The following RAD54L2 variants were observed in gnomAD, a reference collection of about 807,000 sequenced individuals.
RAD54L2 encodes the protein helicase ARIP4.
In RAD54L2, 27 loss-of-function variants were observed where a neutral mutation model predicts 138.4. That is an observed-to-expected ratio of 0.20 (90% CI 0.14 to 0.27). The LOEUF is 0.27. Ranked by LOEUF, RAD54L2 falls within the 10% of genes least tolerant of loss-of-function variation. The pLI is 1.00. For synonymous variants in RAD54L2, 644 were observed against 723.2 expected, an observed-to-expected ratio of 0.89 and a Z score of 1.76; for missense variants, 1,396 against 1,890.2, an observed-to-expected ratio of 0.74 and a Z score of 4.85.
At chr3:51,547,451 T>C (rs577859483) in intron 2 of RAD54L2, among the ~76,000 whole-genome samples, 2 of 151,956 alleles carry the variant, frequency 1.3e-5, no homozygotes, top group South Asian at 4.1e-4. Context: ...TGGAGGCACA[T>C]TGGAGGTACT....
intron 2 of RAD54L2, among the ~76,000 whole-genome samples, chr3:51,586,816 A>C (rs553110771): frequency 6.6e-6 from 1 of 152,048 alleles, no homozygotes; most frequent in Non-Finnish European, 1.5e-5. Flanking sequence ...TGATCTGCTC[A>C]CTTCAGCCTC....
chr3:51,545,500 A>G (rs1698667969), intron 2 of RAD54L2, among the ~76,000 whole-genome samples: 1 of 152,028 alleles, frequency 6.6e-6, no homozygotes, highest in South Asian at 2.1e-4. Flanking sequence ...ACCCTCCTGG[A>G]TCTTGGTAGT....
chr3:51,619,590 C>CT (rs888028710), intron 3 of RAD54L2, among the ~76,000 whole-genome samples: 15 of 152,062 alleles, frequency 9.9e-5, no homozygotes, highest in African/African-American at 3.6e-4. Flanking sequence ...TCCTCATGGC[C>CT]TTTCCAGTTT....
At chr3:51,558,757 C>T (rs1203278198) in intron 2 of RAD54L2, among the ~76,000 whole-genome samples, 2 of 151,310 alleles carry the variant, frequency 1.3e-5, no homozygotes, top group Non-Finnish European at 2.9e-5. Flanking sequence ...AAGCATGAGG[C>T]ACCATGCTGG....
rs528761238 is a variant in RAD54L2 at position 51,619,300 on chromosome 3, G to A, written c.140-8253G>A. 2.6e-4 allele frequency among the ~76,000 whole-genome samples: 40 copies of A among 152,204 alleles called. 1 individual carries two copies. In the South Asian group the frequency reaches 4.4e-3, roughly 17 times the overall value. On this transcript the variant is annotated intron_variant, in intron 3 of 22. Transcript: ENST00000684192. The stretch of plus-strand genomic sequence containing the variant: ...TCTCGAACTCCTGACCTCGTGATCC[G>A]TCTGCCTTGGCCTCCCAAAGTGCTG...
At chr3:51,629,230 G>A (rs777820084) in intron 4 of RAD54L2, 104 bp from the exon 5 acceptor site, 17 of 1,305,130 alleles carry the variant, frequency 1.3e-5, no homozygotes, top group Non-Finnish European at 1.7e-5. Flanking sequence ...TCCTTCTCCC[G>A]CCTCGACTCT....
intron 3 of RAD54L2, among the ~76,000 whole-genome samples, chr3:51,618,139 T>G (rs966899246): frequency 4.0e-5 from 6 of 150,488 alleles, no homozygotes; most frequent in Admixed American, 6.6e-5. Flanking sequence ...TTTGTATTTT[T>G]TTTTTTTTTT....
At position 51,646,294 on chromosome 3, in the gene RAD54L2, G is replaced by C. The variant is rs777342901; in HGVS notation, c.2839G>C (p.Glu947Gln). 2 of 1,586,092 alleles carry C rather than the reference G, an allele frequency of 1.3e-6. No individual in the cohort carries two copies. Among genetic ancestry groups the C allele is most frequent in the Non-Finnish European group, 1.7e-6 (2 of 1,166,508 alleles). ...CCTCCTGTGTCCCCAGGAGCCTTTC[G>C]AGCATGAGTCATTGCTCTTGAACCG... ...YPHLITKEPF[E>Q]HESLLLNRKD... The change falls in exon 19 of 23, where the codon GAG (glutamate) becomes CAG (glutamine). Residue 947 changes from glutamate (E) to glutamine (Q), a missense_variant. Glu to Gln is a conservative substitution (Grantham distance 29, BLOSUM62 2). Around this residue, in one of 7 missense-constraint regions of RAD54L2, gnomAD observed 634 missense variants for 711.2 expected, o/e 0.89. Coordinates refer to ENST00000684192, the MANE Select transcript of RAD54L2 (RefSeq NM_015106.4).
At chr3:51,596,139 G>T in intron 3 of RAD54L2, among the ~76,000 whole-genome samples, 1 of 2,422 alleles carries the variant, frequency 4.1e-4, no homozygotes, top group Non-Finnish European at 1.0e-3. Context: ...TGTTGGCTGG[G>T]CTGGTCTCAA....
intron 21 of RAD54L2, among the ~76,000 whole-genome samples, chr3:51,659,230 C>T (rs919078450): frequency 2.0e-5 from 3 of 151,470 alleles, no homozygotes; most frequent in Admixed American, 6.6e-5. Context: ...CTCAGCCTCC[C>T]GAGTAGCTGG....
chr3:51,603,514 G>A (rs1700119846), intron 3 of RAD54L2, among the ~76,000 whole-genome samples: 1 of 152,030 alleles, frequency 6.6e-6, no homozygotes, highest in African/African-American at 2.4e-5. Context: ...GACTGAGGCG[G>A]GAGAATTGCT....
At position 51,638,028 on chromosome 3, in the gene RAD54L2, A is replaced by G. The variant is rs1432264689; in HGVS notation, c.1683-116A>G. 2 of 936,782 alleles carry G rather than the reference A, an allele frequency of 2.1e-6. No homozygotes were observed. The highest frequency in any genetic ancestry group is 3.2e-6 in the Non-Finnish European group (2 of 618,086). The allele number at this position is 936,782 out of a possible 1,614,324, so 58.0% of individuals were successfully genotyped here. On this transcript the variant is annotated intron_variant, in intron 11 of 22. Transcript: ENST00000684192. This position sits in a 1 kb window ranked among gnomAD's most constrained non-coding sequence, Gnocchi z 4.3. ...CTGCATTATTGCAAGGCTGCAGTGC[A>G]TGTTGAGATCCTCAAGAGGGAGGTG...
chr3:51,627,828 A>T, intron 4 of RAD54L2, 74 bp downstream of exon 4: 1 of 1,509,028 alleles, frequency 6.6e-7, no homozygotes, highest in South Asian at 1.1e-5. Flanking sequence ...TGTCAATAGC[A>T]AAAAGACTGA....
intron 2 of RAD54L2, among the ~76,000 whole-genome samples, chr3:51,544,484 G>A (rs1698634909): frequency 6.6e-6 from 1 of 152,186 alleles, no homozygotes; most frequent in African/African-American, 2.4e-5. Flanking sequence ...ATCTTCTGCA[G>A]GCCATTTACT....
intron 2 of RAD54L2, among the ~76,000 whole-genome samples, chr3:51,572,387 A>G (rs1245018735): frequency 1.3e-5 from 2 of 149,240 alleles, no homozygotes; most frequent in African/African-American, 2.5e-5. Flanking sequence ...CAAAAGATGG[A>G]GGCTGCAGTG....
chr3:51,648,319 G>A (rs1010369901), intron 19 of RAD54L2, among the ~76,000 whole-genome samples: 5 of 152,226 alleles, frequency 3.3e-5, no homozygotes, highest in African/African-American at 1.2e-4. Context: ...GGAGCCCACT[G>A]TAGCTCAACC....
intron 3 of RAD54L2, among the ~76,000 whole-genome samples, chr3:51,609,926 T>C (rs956903840): frequency 1.3e-5 from 2 of 151,852 alleles, no homozygotes; most frequent in African/African-American, 2.4e-5. Context: ...TATGGAAAGA[T>C]TTGTATACTA....
chr3:51,642,984 C>T (rs1352919509), intron 15 of RAD54L2, among the ~76,000 whole-genome samples: 1 of 150,928 alleles, frequency 6.6e-6, no homozygotes, highest in African/African-American at 2.4e-5. Context: ...ACCATTTACT[C>T]AAGATGACAA....
At chr3:51,556,584 C>CTT (rs11421076) in intron 2 of RAD54L2, among the ~76,000 whole-genome samples, 11 of 149,918 alleles carry the variant, frequency 7.3e-5, no homozygotes, top group South Asian at 4.2e-4. Context: ...ATCTATCTCT[C>CTT]TTTTTTTTTG....
Sources: gnomAD v4.1 joint callset for allele counts (sites outside exome capture counted in the v4.1 genomes callset) on GRCh38, gnomAD v4.1.1 for gene constraint, gnomAD v4.1.1 regional missense constraint, Gnocchi (gnomAD v3.1) non-coding constraint, MANE v1.5 for transcripts, NCBI Gene and HGNC (gene_info 2026-07-23, HGNC 2026-07-21) for gene names.